Variants in SPDYE10 observed in about 807,000 individuals in gnomAD.
The protein encoded by SPDYE10 is speedy/RINGO cell cycle regulator family member E10, also known as speedy protein E10.
chr7:73,152,000 T>C, the SPDYE10 span, among the ~76,000 whole-genome samples: 2 of 151,776 alleles, frequency 1.3e-5, no homozygotes, highest in Non-Finnish European at 2.9e-5. Flanking sequence ...TTTTTATTGT[T>C]GTTGTTTTGT....
the SPDYE10 span, among the ~76,000 whole-genome samples, chr7:73,127,638 TAA>T: frequency 5.9e-4 from 38 of 64,204 alleles, no homozygotes; most frequent in South Asian, 2.2e-3. Flanking sequence ...GGAAGACAAT[TAA>T]AAAAAAAAAA....
chr7:73,121,021 G>A, the SPDYE10 span, among the ~76,000 whole-genome samples: 1 of 151,480 alleles, frequency 6.6e-6, no homozygotes, highest in South Asian at 2.1e-4. Flanking sequence ...CACCATGTTG[G>A]CCAGGCTGGT....
At chr7:73,134,601 C>T in the SPDYE10 span, among the ~76,000 whole-genome samples, 1 of 152,058 alleles carries the variant, frequency 6.6e-6, no homozygotes, top group Admixed American at 6.5e-5. Context: ...ATGGCTCATA[C>T]CTGTAATCCC....
chr7:73,126,910 T>A, the SPDYE10 span, among the ~76,000 whole-genome samples: 3 of 75,592 alleles, frequency 4.0e-5, no homozygotes, highest in African/African-American at 1.6e-4. Flanking sequence ...TTGTTGGTGG[T>A]TTTTTTTTTT....
the SPDYE10 span, among the ~76,000 whole-genome samples, chr7:73,137,569 TGAAAGAAAGAAAGAAAGAAGAGATGAAA>T: frequency 1.9e-5 from 1 of 52,744 alleles, no homozygotes; most frequent in Admixed American, 2.2e-4. Context: ...AAAGAAGAGA[TGAAAGAAAGAAAGAAAGAAGAGATGAAA>T]GAAAGAAAGA....
chr7:73,118,150 C>CA, the SPDYE10 span, among the ~76,000 whole-genome samples: 1,344 of 6,206 alleles, frequency 0.22, 440 homozygotes, highest in Non-Finnish European at 0.26. Flanking sequence ...GACTCTCTGT[C>CA]AAAAAAAAAA....
At chr7:73,150,951 T>A in the SPDYE10 span, among the ~76,000 whole-genome samples, 18 of 20,048 alleles carry the variant, frequency 9.0e-4, 1 homozygote, top group African/African-American at 2.1e-3. Context: ...TATATATATT[T>A]TTTTTTTTTT....
At chr7:73,126,834 A>G in the SPDYE10 span, among the ~76,000 whole-genome samples, 2 of 150,810 alleles carry the variant, frequency 1.3e-5, no homozygotes, top group Non-Finnish European at 2.9e-5. Context: ...CACCATGCCT[A>G]GCTAATATTT....
the SPDYE10 span, among the ~76,000 whole-genome samples, chr7:73,124,927 A>T: frequency 6.9e-6 from 1 of 145,048 alleles, no homozygotes; most frequent in Non-Finnish European, 1.5e-5. Flanking sequence ...CTGTCTAAAT[A>T]AATAAATAAA....
At chr7:73,126,800 G>A in the SPDYE10 span, among the ~76,000 whole-genome samples, 9 of 150,578 alleles carry the variant, frequency 6.0e-5, no homozygotes, top group Non-Finnish European at 1.0e-4. Context: ...AAGTAACTGG[G>A]ACTACAAGCC....
chr7:73,123,788 C>CT, the SPDYE10 span, among the ~76,000 whole-genome samples: 55 of 97,450 alleles, frequency 5.6e-4, no homozygotes, highest in African/African-American at 1.3e-3. Context: ...TCTCTCTCTC[C>CT]CTCTCTCTCT....
chr7:73,115,442 T>A, the SPDYE10 span, among the ~76,000 whole-genome samples: 1 of 151,372 alleles, frequency 6.6e-6, no homozygotes, highest in South Asian at 2.1e-4. Flanking sequence ...GCCAGGCATG[T>A]TCATGGAAAC....
the SPDYE10 span, among the ~76,000 whole-genome samples, chr7:73,149,038 T>C: frequency 6.6e-6 from 1 of 151,820 alleles, no homozygotes; most frequent in East Asian, 1.9e-4. Flanking sequence ...TGGAATGCAA[T>C]GGTGCAAACA....
At chr7:73,132,602 G>C in the SPDYE10 span, among the ~76,000 whole-genome samples, 1 of 146,992 alleles carries the variant, frequency 6.8e-6, no homozygotes, top group Non-Finnish European at 1.5e-5. Flanking sequence ...GCTGGGTTCA[G>C]TGTGGCCTCC....
the SPDYE10 span, among the ~76,000 whole-genome samples, chr7:73,134,563 A>AAGAAAGAAAGAAAGAAAG: frequency 3.9e-5 from 6 of 152,142 alleles, no homozygotes; most frequent in Non-Finnish European, 8.8e-5. Flanking sequence ...GAAAGAAAGA[A>AAGAAAGAAAGAAAGAAAG]AGAAACCGTG....
the SPDYE10 span, among the ~76,000 whole-genome samples, chr7:73,152,103 C>T: frequency 6.8e-6 from 1 of 146,126 alleles, no homozygotes; most frequent in African/African-American, 2.6e-5. Context: ...CAACCTCTGC[C>T]TCCCAGGTTC....
At chr7:73,141,070 C>CCACACACACACACACA in the SPDYE10 span, among the ~76,000 whole-genome samples, 6 of 136,026 alleles carry the variant, frequency 4.4e-5, no homozygotes, top group Admixed American at 7.2e-5. Context: ...TCCATTTCTA[C>CCACACACACACACACA]CACACACACA....
At chr7:73,141,283 G>A in the SPDYE10 span, among the ~76,000 whole-genome samples, 1 of 152,266 alleles carries the variant, frequency 6.6e-6, no homozygotes, top group South Asian at 2.1e-4. Context: ...AGCACTTTGG[G>A]AGTCTGAGGC....
the SPDYE10 span, among the ~76,000 whole-genome samples, chr7:73,153,904 C>CT: frequency 4.0e-5 from 6 of 150,268 alleles, no homozygotes; most frequent in African/African-American, 7.5e-5. Flanking sequence ...TAGTATGTTC[C>CT]TACCTAACAG....
Sources: gnomAD v4.1 joint callset for allele counts (sites outside exome capture counted in the v4.1 genomes callset) on GRCh38, gnomAD v4.1.1 for gene constraint, MANE v1.5 for transcripts, NCBI Gene and HGNC (gene_info 2026-07-23, HGNC 2026-07-21) for gene names.